The following SHLD1 variants were observed in gnomAD, a reference collection of about 807,000 sequenced individuals.
SHLD1 encodes shieldin complex subunit 1.
Under a neutral mutation model 5.5 loss-of-function variants are expected in SHLD1, and 3 were observed. That is an observed-to-expected ratio of 0.54 (90% CI 0.25 to 1.40). SHLD1 has a LOEUF of 1.40. SHLD1 is among the 40% of genes most tolerant of loss of function. The probability of loss-of-function intolerance (pLI) is 0.15; values close to 1 mark genes in which losing one functional copy is unlikely to be tolerated. For missense variants in SHLD1, 210 were observed against 244.4 expected, an observed-to-expected ratio of 0.86 and a Z score of 0.94; for synonymous variants, 92 against 94.3, an observed-to-expected ratio of 0.98 and a Z score of 0.14.
intron 2 of SHLD1, among the ~76,000 whole-genome samples, chr20:5,799,793 T>G (rs141163263): frequency 6.6e-6 from 1 of 152,288 alleles, no homozygotes; most frequent in Non-Finnish European, 1.5e-5. Flanking sequence ...AACTCAAGAT[T>G]CATACCCTAG....
chr20:5,762,844 GCGC>G (rs2122203350), intron 1 of SHLD1, among the ~76,000 whole-genome samples: 1 of 152,022 alleles, frequency 6.6e-6, no homozygotes, highest in South Asian at 2.1e-4. Flanking sequence ...GTGGTAGTGC[GCGC>G]CTGTAGTCCC....
chr20:5,808,216 G>A (rs1352416600), intron 2 of SHLD1, among the ~76,000 whole-genome samples: 1 of 149,556 alleles, frequency 6.7e-6, no homozygotes, highest in Non-Finnish European at 1.5e-5. Context: ...GGACACAGAG[G>A]TTGCAGTGAG....
chr20:5,826,213 A>T (rs1301795673), intron 2 of SHLD1, among the ~76,000 whole-genome samples: 3 of 152,188 alleles, frequency 2.0e-5, no homozygotes, highest in Non-Finnish European at 2.9e-5. Flanking sequence ...AATATAATTA[A>T]GTTGTTTGTT....
Position 5,851,228 on chromosome 20 carries a change from G to C in SHLD1, c.179-11796G>C, listed in dbSNP as rs191758288. Among the ~76,000 whole-genome samples the C allele has an allele frequency of 2.6e-5, 4 of 152,316 alleles. No homozygotes were observed. In the East Asian group the frequency reaches 7.7e-4, roughly 29 times the overall value. On this transcript the variant is annotated intron_variant, in intron 2 of 2. Coordinates refer to ENST00000303142, the MANE Select transcript of SHLD1 (RefSeq NM_152504.4). The stretch of plus-strand genomic sequence containing the variant: ...TATCCAGGAATGGTGGCTCATATTT[G>C]TAATCTCAGCTACTTGGGAGCCTGA...
At chr20:5,807,928 A>G (rs2087402956) in intron 2 of SHLD1, among the ~76,000 whole-genome samples, 1 of 152,320 alleles carries the variant, frequency 6.6e-6, no homozygotes, top group East Asian at 1.9e-4. Context: ...ATGATAAAGC[A>G]CTAATCATCC....
intron 1 of SHLD1, among the ~76,000 whole-genome samples, chr20:5,769,427 A>G (rs892639705): frequency 2.0e-5 from 3 of 152,262 alleles, no homozygotes; most frequent in African/African-American, 7.2e-5. Flanking sequence ...AAAGTACAGC[A>G]GTCCTGCCTT....
intron 2 of SHLD1, among the ~76,000 whole-genome samples, chr20:5,775,075 T>C (rs143847151): frequency 4.6e-5 from 7 of 152,334 alleles, no homozygotes; most frequent in African/African-American, 1.7e-4. Context: ...GGTTTTGCTC[T>C]GTGCCTAGGC....
chr20:5,771,982 C>A (rs993951310), intron 1 of SHLD1: 1 of 426,262 alleles, frequency 2.3e-6, no homozygotes, highest in African/African-American at 2.3e-5. Flanking sequence ...TCAAGGGATT[C>A]TCTTGCCTCT....
chr20:5,762,844 G>A (rs899840225), intron 1 of SHLD1, among the ~76,000 whole-genome samples: 5 of 152,022 alleles, frequency 3.3e-5, no homozygotes, highest in South Asian at 2.1e-4. Context: ...GTGGTAGTGC[G>A]CGCCTGTAGT....
Position 5,863,200 on chromosome 20 carries a change from G to A in SHLD1, c.355G>A (p.Ala119Thr). ...PQPGSANSLS[A>T]SVCKCLSQKI... ...GCCAGGCTCTGCAAACTCACTCTCTGCATCTGTCTGCAAGTGCCTGTCTCA... is the reference window on the plus strand; with the variant it reads ...GCCAGGCTCTGCAAACTCACTCTCTACATCTGTCTGCAAGTGCCTGTCTCA... Residue 119 changes from alanine (A) to threonine (T), a missense_variant, in exon 3 of 3, where the codon GCA becomes ACA. Physicochemically the swap from Ala to Thr is moderately conservative, Grantham distance 58 (BLOSUM62 0). Transcript: ENST00000303142. 1 of 1,614,160 alleles carries A rather than the reference G, an allele frequency of 6.2e-7. No homozygotes were observed. Among genetic ancestry groups the A allele is most frequent in the South Asian group, 1.1e-5 (1 of 91,082 alleles).
In SHLD1 at chr20:5,809,904, C is replaced by T. The variant is rs567815200; in HGVS notation, c.178+36861C>T. Among the ~76,000 whole-genome samples the T allele has an allele frequency of 7.7e-4, 117 of 152,104 alleles. 2 individuals carry two copies. Among genetic ancestry groups the T allele is most frequent in the Middle Eastern group, 3.4e-3 (1 of 294 alleles). ...ACACAGTGATGTCACATACTGAGGT[C>T]TCATTGTTATTTCAGTTTTCTGGCA... On this transcript the variant is annotated intron_variant, in intron 2 of 2. Transcript: ENST00000303142.
chr20:5,758,437 TA>T, intron 1 of SHLD1, among the ~76,000 whole-genome samples: 1 of 150,080 alleles, frequency 6.7e-6, no homozygotes, highest in African/African-American at 2.5e-5. Context: ...TTTTTTTTTT[TA>T]GATGGAGTCT....
chr20:5,785,496 A>T (rs1042537865), intron 2 of SHLD1, among the ~76,000 whole-genome samples: 7 of 152,140 alleles, frequency 4.6e-5, no homozygotes, highest in African/African-American at 1.7e-4. Flanking sequence ...CATACTATGC[A>T]TTAAGAATTA....
At chr20:5,772,796 T>C (rs1353855492) in intron 1 of SHLD1, 66 bp from the exon 2 acceptor site, 3 of 1,361,460 alleles carry the variant, frequency 2.2e-6, no homozygotes, top group African/African-American at 1.5e-5. Context: ...TCAAGCTCTG[T>C]CTCCAATGAA....
At chr20:5,788,756 C>T (rs1244307531) in intron 2 of SHLD1, among the ~76,000 whole-genome samples, 4 of 152,228 alleles carry the variant, frequency 2.6e-5, no homozygotes, top group Non-Finnish European at 5.9e-5. Flanking sequence ...ATTCACTGCA[C>T]ATGAATTATA....
rs556200512 is a variant in SHLD1 at position 5,784,661 on chromosome 20, A to G, written c.178+11618A>G. Among the ~76,000 whole-genome samples the G allele has an allele frequency of 9.8e-4, 149 of 152,040 alleles. 2 individuals are homozygous for G. Among genetic ancestry groups the G allele is most frequent in the South Asian group, 5.0e-3 (24 of 4,812 alleles). On this transcript the variant is annotated intron_variant, in intron 2 of 2. Transcript: ENST00000303142. ...GAGACGGGGTTTCACCGTGTTAGCC[A>G]GGTTGGTCTCGATCGCCTGACCTTG... is the stretch of plus-strand genomic sequence containing the variant.
chr20:5,754,477 C>T (rs1306962837), intron 1 of SHLD1, among the ~76,000 whole-genome samples: 2 of 152,092 alleles, frequency 1.3e-5, no homozygotes, highest in African/African-American at 2.4e-5. Flanking sequence ...GTGGTTATAA[C>T]AAGGTATGTC....
rs552974846 is a variant in SHLD1, at chr20:5,864,123, C to T, written c.*660C>T. Among the ~76,000 whole-genome samples, 5 of 152,322 alleles carry T rather than the reference C, an allele frequency of 3.3e-5. No individual in the cohort carries two copies. In the East Asian group the frequency reaches 9.6e-4, roughly 29 times the overall value. On this transcript the variant is annotated 3_prime_UTR_variant, in exon 3 of 3. Coordinates refer to ENST00000303142, the MANE Select transcript of SHLD1 (RefSeq NM_152504.4). ...TGAGAAAAGTATATCACATCTTGAT[C>T]ACACCCTTGCCTCCTCTCCAAAGCT... is the stretch of plus-strand genomic sequence containing the variant.
At chr20:5,750,646 C>A (rs750274355) in intron 1 of SHLD1, among the ~76,000 whole-genome samples, 167 bp downstream of exon 1, 5 of 152,032 alleles carry the variant, frequency 3.3e-5, no homozygotes, top group Admixed American at 6.6e-5. Flanking sequence ...GTGTCTGCAG[C>A]CTGTGCTTTG....
Sources: gnomAD v4.1 joint callset for allele counts (sites outside exome capture counted in the v4.1 genomes callset) on GRCh38, gnomAD v4.1.1 for gene constraint, MANE v1.5 for transcripts, NCBI Gene and HGNC (gene_info 2026-07-23, HGNC 2026-07-21) for gene names.